FAAH: variants seen among roughly 807,000 people sequenced by gnomAD.
FAAH encodes fatty-acid amide hydrolase 1.
A neutral mutation model predicts 69.7 loss-of-function variants in FAAH; 63 were observed. The ratio of observed to expected loss-of-function variants is 0.90; its 90% CI spans 0.74 to 1.12. FAAH has a LOEUF of 1.12. Among genes scored for constraint, FAAH ranks in the 50% most tolerant of loss-of-function variants. FAAH has a pLI of 0.00. For missense variants in FAAH, 680 were observed against 755.0 expected, an observed-to-expected ratio of 0.90 and a Z score of 1.16; for synonymous variants, 305 against 324.2, an observed-to-expected ratio of 0.94 and a Z score of 0.64.
intron 13 of FAAH, among the ~76,000 whole-genome samples, chr1:46,412,538 G>A (rs1306274886): frequency 6.6e-6 from 1 of 152,168 alleles, no homozygotes; most frequent in Admixed American, 6.5e-5. Context: ...GGGCCAGGGC[G>A]GTGGCTCACA....
Position 46,394,521 on chromosome 1 carries a change from C to G in FAAH, c.173C>G (p.Ala58Gly). 7.3e-7 allele frequency: 1 copy of G among 1,377,088 alleles called. No homozygotes were observed. 85.3% of individuals were successfully genotyped at this position (1,377,088 alleles called of 1,614,324 possible). A position where few individuals can be genotyped will look rare whatever the true frequency, so the allele number is the denominator to read the frequency against. The change falls in exon 1 of 15, where the codon GCG becomes GGG. Residue 58 changes from alanine (A) to glycine (G), a missense_variant. By Grantham distance (60) the Ala-to-Gly change is moderately conservative. Coordinates refer to ENST00000243167, the MANE Select transcript of FAAH (RefSeq NM_001441.3). ...QRAGLENMDR[A>G]AQRFRLQNPD... ...GCGGGCCTGGAGAACATGGACAGGGCGGCGCAGCGCTTCCGGCTCCAGGTG... is the reference window on the plus strand; with the variant it reads ...GCGGGCCTGGAGAACATGGACAGGGGGGCGCAGCGCTTCCGGCTCCAGGTG...
intron 7 of FAAH, among the ~76,000 whole-genome samples, chr1:46,407,867 C>T (rs1199262766): frequency 6.6e-6 from 1 of 152,162 alleles, no homozygotes; most frequent in Non-Finnish European, 1.5e-5. Context: ...GCCCTCGCCC[C>T]AGCCAAGGTT....
chr1:46,396,273 G>A (rs1292593409), intron 1 of FAAH, among the ~76,000 whole-genome samples: 2 of 152,306 alleles, frequency 1.3e-5, no homozygotes, highest in Admixed American at 1.3e-4. Context: ...CCAGCCATAA[G>A]GTGGTTTTCT....
intron 1 of FAAH, among the ~76,000 whole-genome samples, chr1:46,395,225 G>C (rs773664727): frequency 2.6e-5 from 4 of 152,230 alleles, no homozygotes; most frequent in Non-Finnish European, 4.4e-5. Flanking sequence ...GAGCCACCGC[G>C]CCTGGCTGAG....
In FAAH at chr1:46,408,657, C is replaced by T. The variant is rs889357038; in HGVS notation, c.1077+73C>T. On this transcript the variant is annotated intron_variant, in intron 8 of 14. Transcript: ENST00000243167. The stretch of plus-strand genomic sequence containing the variant: ...GAAGCCTTCCTGGTACCCATGGCTA[C>T]TCCATCCCTGGCATCCTGGCACTCT... 25 of 1,607,094 alleles carry T rather than the reference C, an allele frequency of 1.6e-5. No homozygotes were observed. In the Admixed American group the frequency reaches 4.2e-4, roughly 27 times the overall value.
At chr1:46,400,631 T>C (rs1001987279) in intron 1 of FAAH, among the ~76,000 whole-genome samples, 1 of 149,804 alleles carries the variant, frequency 6.7e-6, no homozygotes, top group African/African-American at 2.5e-5. Context: ...AAGGAGGAGC[T>C]GGTCAAAAGT....
At position 46,402,207 on chromosome 1, in the gene FAAH, A is replaced by C. The variant is rs775489007; in HGVS notation, c.309+3A>C. Reference sequence around the variant, plus strand: ...TGCTCTTCACCTATGTGGGAAAGGTAAGGCCAGCCAAGGCCAGCCCCTCCC... The same window carrying C: ...TGCTCTTCACCTATGTGGGAAAGGTCAGGCCAGCCAAGGCCAGCCCCTCCC... On this transcript the variant is annotated splice_donor_region_variant and intron_variant, in intron 2 of 14. Coordinates refer to ENST00000243167, the MANE Select transcript of FAAH (RefSeq NM_001441.3). 6.4e-7 allele frequency: 1 copy of C among 1,568,544 alleles called. No individual in the cohort carries two copies. The highest frequency in any genetic ancestry group is 8.6e-7 in the Non-Finnish European group (1 of 1,159,132).
In FAAH at chr1:46,406,002, A is replaced by G. The variant is rs200384127; in HGVS notation, c.786-36A>G. The stretch of plus-strand genomic sequence containing the variant: ...GGTGTGGGGATGGCGGCGGGTGGCC[A>G]TTTCCTGTTTCCAGCATCTTATGTT... On this transcript the variant is annotated intron_variant, in intron 5 of 14. Coordinates refer to ENST00000243167, the MANE Select transcript of FAAH (RefSeq NM_001441.3). The G allele has an allele frequency of 8.2e-5, 132 of 1,613,908 alleles. No individual in the cohort carries two copies. The African/African-American group carries it at 1.7e-3, about 21-fold the overall frequency.
At chr1:46,409,411 T>C (rs1366537390) in intron 9 of FAAH, 1 of 562,194 alleles carries the variant, frequency 1.8e-6, no homozygotes, top group Non-Finnish European at 3.3e-6. Context: ...CTGGGTTGAG[T>C]ATCTGTGGCC....
intron 14 of FAAH, 91 bp from the exon 15 acceptor site, chr1:46,413,356 T>C (rs1664951443): frequency 1.2e-6 from 2 of 1,610,088 alleles, no homozygotes. Flanking sequence ...TGGCCCTACG[T>C]TGTGGCCTCT....
intron 1 of FAAH, among the ~76,000 whole-genome samples, chr1:46,401,869 G>C (rs1374906143): frequency 1.3e-5 from 2 of 152,032 alleles, no homozygotes; most frequent in Non-Finnish European, 2.9e-5. Flanking sequence ...AACACGGCCA[G>C]ACACTGTCTC....
chr1:46,394,455 C>T lies in FAAH; in HGVS notation c.107C>T (p.Thr36Met), dbSNP rs1179090251. ...GCCCTGCGCTGGTCCGGGCGCCGGA[C>T]GGCGCGGGGCGCGGTGGTCCGGGCG... ...AVALRWSGRR[T>M]ARGAVVRARQ... Residue 36 changes from threonine (T) to methionine (M), a missense_variant, in exon 1 of 15, where the codon ACG becomes ATG. Transcript: ENST00000243167. 12 of 1,372,942 alleles carry T rather than the reference C, an allele frequency of 8.7e-6. No individual in the cohort carries two copies. In the Admixed American group the frequency reaches 1.5e-4, roughly 17 times the overall value. 85.0% of individuals were successfully genotyped at this position (1,372,942 alleles called of 1,614,324 possible). A position where few individuals can be genotyped will look rare whatever the true frequency, so the allele number is the denominator to read the frequency against.
At chr1:46,407,437 T>G (rs2148450777) in intron 7 of FAAH, among the ~76,000 whole-genome samples, 1 of 152,234 alleles carries the variant, frequency 6.6e-6, no homozygotes, top group African/African-American at 2.4e-5. Context: ...GTTGAAGAGT[T>G]GGAATGAATC....
Position 46,411,706 on chromosome 1 carries a change from A to C in FAAH, c.1356+55A>C, listed in dbSNP as rs1439929270. On this transcript the variant is annotated intron_variant, in intron 12 of 14. Transcript: ENST00000243167. This position sits in a 1 kb window ranked among gnomAD's most constrained non-coding sequence, Gnocchi z 4.8. ...GGTGGTGGGGGGAGGGTGGAGTTGG[A>C]CAGGGTACCCGCTAGCAGTGTCTCG... 1.9e-6 allele frequency: 3 copies of C among 1,599,972 alleles called. No individual in the cohort carries two copies. The highest frequency in any genetic ancestry group is 2.6e-6 in the Non-Finnish European group (3 of 1,169,100).
intron 7 of FAAH, among the ~76,000 whole-genome samples, chr1:46,407,110 G>A (rs577703685): frequency 4.6e-5 from 7 of 151,858 alleles, no homozygotes; most frequent in Non-Finnish European, 1.0e-4. Context: ...GTGAGCCAGG[G>A]TCTGCAAGCA....
At chr1:46,406,472 C>A in intron 7 of FAAH, 104 bp downstream of exon 7, 1 of 1,540,654 alleles carries the variant, frequency 6.5e-7, no homozygotes, top group Non-Finnish European at 8.8e-7. Context: ...GAACCGTCCC[C>A]CAGGCCTCTG....
chr1:46,394,423 G>C lies in FAAH; in HGVS notation c.75G>C (p.Ala25=). 6.8e-7 allele frequency: 1 copy of C among 1,471,138 alleles called. No individual in the cohort carries two copies. The highest frequency in any genetic ancestry group is 9.0e-7 in the Non-Finnish European group (1 of 1,114,852). The allele number at this position is 1,471,138 out of a possible 1,614,324, so 91.1% of individuals were successfully genotyped here. The change falls in exon 1 of 15, where the codon GCG becomes GCC. Residue 25 remains alanine (A), a synonymous_variant. Transcript: ENST00000243167. ...CCCTGGCCTGCTGCTTCGTGGCGGC[G>C]GCCGTGGCCCTGCGCTGGTCCGGGC... ...GVALACCFVA[A]AVALRWSGRR...
At chr1:46,397,915 C>T (rs1056725520) in intron 1 of FAAH, among the ~76,000 whole-genome samples, 1 of 150,522 alleles carries the variant, frequency 6.6e-6, no homozygotes, top group Non-Finnish European at 1.5e-5. Flanking sequence ...TCATGTTGGC[C>T]AGGCTAGTCT....
At chr1:46,397,588 G>GTCTTGCTCTGTC (rs1040115650) in intron 1 of FAAH, among the ~76,000 whole-genome samples, 2 of 152,160 alleles carry the variant, frequency 1.3e-5, no homozygotes, top group African/African-American at 2.4e-5. Flanking sequence ...TTGAGACGGA[G>GTCTTGCTCTGTC]TCTTGCTCTG....
Sources: gnomAD v4.1 joint callset for allele counts (sites outside exome capture counted in the v4.1 genomes callset) on GRCh38, gnomAD v4.1.1 for gene constraint, Gnocchi (gnomAD v3.1) non-coding constraint, MANE v1.5 for transcripts, NCBI Gene and HGNC (gene_info 2026-07-23, HGNC 2026-07-21) for gene names.